Variants in NWD2 observed in about 807,000 individuals in gnomAD.
The protein encoded by NWD2 is NACHT and WD repeat domain containing 2.
NWD2 carries 37 observed loss-of-function variants against 132.7 expected under a neutral mutation model. The observed-to-expected ratio is 0.28, with a 90% CI of 0.21 to 0.37. The LOEUF (loss-of-function observed/expected upper bound fraction) is 0.37, where lower values mean the gene tolerates loss of function less well. Among genes scored for constraint, NWD2 ranks in the 10% least tolerant of loss-of-function variants. The probability of loss-of-function intolerance (pLI) is 1.00; values close to 1 mark genes in which losing one functional copy is unlikely to be tolerated. For missense variants in NWD2, 1,592 were observed against 2,122.4 expected, an observed-to-expected ratio of 0.75 and a Z score of 4.91; for synonymous variants, 705 against 803.0, an observed-to-expected ratio of 0.88 and a Z score of 2.06.
chr4:37,276,446 G>A (rs1387597657), intron 1 of NWD2, among the ~76,000 whole-genome samples: 1 of 152,088 alleles, frequency 6.6e-6, no homozygotes, highest in East Asian at 1.9e-4. Flanking sequence ...GAAACAACAG[G>A]TGCTGGAGAG....
chr4:37,307,361 G>A (rs1422986998), intron 1 of NWD2, among the ~76,000 whole-genome samples: 1 of 151,896 alleles, frequency 6.6e-6, no homozygotes, highest in Non-Finnish European at 1.5e-5. Flanking sequence ...GAGAGACATT[G>A]TTTCTCCTTG....
At chr4:37,350,166 G>T (rs1034327838) in intron 2 of NWD2, among the ~76,000 whole-genome samples, 12 of 151,990 alleles carry the variant, frequency 7.9e-5, no homozygotes, top group Non-Finnish European at 1.3e-4. Context: ...CTTTATATGG[G>T]CTCTTCTTTT....
intron 1 of NWD2, among the ~76,000 whole-genome samples, chr4:37,284,458 A>T (rs1209474359): frequency 6.6e-6 from 1 of 152,166 alleles, no homozygotes; most frequent in Non-Finnish European, 1.5e-5. Flanking sequence ...AGAATATTCG[A>T]TGAGCCCCAG....
chr4:37,252,103 G>A (rs954584129), intron 1 of NWD2, among the ~76,000 whole-genome samples: 3 of 152,202 alleles, frequency 2.0e-5, no homozygotes, highest in Non-Finnish European at 4.4e-5. Flanking sequence ...AATGAATAGA[G>A]CCAGGGTATG....
rs1311235922 is a variant in NWD2 at position 37,245,172 on chromosome 4, G to T, written c.105G>T (p.Val35=). ...TCACGGCCCTGCCCTCTCACCTCGT[G>T]CCCGCCGGCCGCAGCGTCCGGGTCT... The part of the protein sequence containing the change: ...GNLTALPSHL[V]PAGRSVRVFI... The change falls in exon 1 of 7, where the codon GTG becomes GTT. Residue 35 remains valine (V), a synonymous_variant. Coordinates refer to ENST00000309447, the MANE Select transcript of NWD2 (RefSeq NM_001144990.2). The T allele has an allele frequency of 2.8e-5, 43 of 1,544,782 alleles. No homozygotes were observed. Among genetic ancestry groups the T allele is most frequent in the Non-Finnish European group, 3.4e-5 (39 of 1,146,190 alleles).
intron 1 of NWD2, among the ~76,000 whole-genome samples, chr4:37,304,503 C>T (rs192673930): frequency 8.5e-5 from 13 of 152,308 alleles, no homozygotes; most frequent in Admixed American, 8.5e-4. Context: ...CAAGTCTCTT[C>T]CACCTATAAG....
At chr4:37,348,497 G>A (rs1299748832) in intron 2 of NWD2, among the ~76,000 whole-genome samples, 2 of 150,674 alleles carry the variant, frequency 1.3e-5, no homozygotes, top group African/African-American at 2.4e-5. Context: ...CCACACCCAT[G>A]GGTAAAGCCC....
At chr4:37,256,442 T>TGGGGTGTTCAAGGAAGAGCAAGGTCATTG in intron 1 of NWD2, among the ~76,000 whole-genome samples, 1 of 152,182 alleles carries the variant, frequency 6.6e-6, no homozygotes, top group African/African-American at 2.4e-5. Flanking sequence ...AAAAATCTAC[T>TGGGGTGTTCAAGGAAGAGCAAGGTCATTG]TACATGAGGT....
At chr4:37,410,304 G>A (rs1721130095) in intron 3 of NWD2, among the ~76,000 whole-genome samples, 1 of 152,046 alleles carries the variant, frequency 6.6e-6, no homozygotes. Context: ...AAGGGATGGA[G>A]GAATATTTAC....
At chr4:37,306,560 C>T (rs1399762732) in intron 1 of NWD2, among the ~76,000 whole-genome samples, 1 of 151,902 alleles carries the variant, frequency 6.6e-6, no homozygotes, top group Non-Finnish European at 1.5e-5. Context: ...CTTCCTTTAC[C>T]CATTCAGGAG....
At chr4:37,256,090 G>A (rs1445598053) in intron 1 of NWD2, among the ~76,000 whole-genome samples, 4 of 152,182 alleles carry the variant, frequency 2.6e-5, no homozygotes, top group Non-Finnish European at 5.9e-5. Context: ...AGTGCTTTTG[G>A]AATACATTAG....
At chr4:37,298,516 A>C (rs1718545186) in intron 1 of NWD2, among the ~76,000 whole-genome samples, 1 of 152,104 alleles carries the variant, frequency 6.6e-6, no homozygotes, top group Admixed American at 6.6e-5. Context: ...TTCCTTTGTA[A>C]TTAATGTAGG....
chr4:37,325,901 TACTC>T, intron 1 of NWD2, 31 bp from the exon 2 acceptor site: 4 of 1,276,136 alleles, frequency 3.1e-6, no homozygotes, highest in Non-Finnish European at 4.4e-6. Context: ...TGTGTGGACA[TACTC>T]ACTTCCTGTG....
At chr4:37,426,363 G>A (rs887594506) in intron 3 of NWD2, among the ~76,000 whole-genome samples, 1 of 152,116 alleles carries the variant, frequency 6.6e-6, no homozygotes, top group African/African-American at 2.4e-5. Context: ...TAAGCCTGTA[G>A]CATATTATTA....
chr4:37,404,794 C>G (rs1720962399), intron 3 of NWD2, among the ~76,000 whole-genome samples: 1 of 152,196 alleles, frequency 6.6e-6, no homozygotes, highest in Non-Finnish European at 1.5e-5. Flanking sequence ...AAAGGAGGAG[C>G]AAGACGTCTT....
intron 1 of NWD2, among the ~76,000 whole-genome samples, chr4:37,313,369 G>T (rs1718890378): frequency 6.6e-6 from 1 of 150,408 alleles, no homozygotes; most frequent in Non-Finnish European, 1.5e-5. Context: ...GGGTGTATGT[G>T]TTGAGGAATT....
At chr4:37,430,060 T>C (rs1712128243) in intron 3 of NWD2, among the ~76,000 whole-genome samples, 1 of 141,482 alleles carries the variant, frequency 7.1e-6, no homozygotes, top group Non-Finnish European at 1.6e-5. Context: ...TTGTTTAATT[T>C]TGAATTTTTT....
intron 3 of NWD2, among the ~76,000 whole-genome samples, chr4:37,391,797 C>T (rs1720683731): frequency 6.6e-6 from 1 of 152,216 alleles, no homozygotes; most frequent in Admixed American, 6.5e-5. Flanking sequence ...CCTGTGCCCT[C>T]CTGCCCCGCT....
At position 37,447,973 on chromosome 4, in the gene NWD2, T is replaced by A. The variant is rs1560258972; in HGVS notation, c.*756T>A. The A allele has an allele frequency of 6.6e-6, 1 of 152,226 alleles. No individual in the cohort carries two copies. Among genetic ancestry groups the A allele is most frequent in the Non-Finnish European group, 1.5e-5 (1 of 68,036 alleles). The allele number at this position is 152,226 out of a possible 1,614,324, so 9.4% of individuals were successfully genotyped here. A position where few individuals can be genotyped will look rare whatever the true frequency, so the allele number is the denominator to read the frequency against. On this transcript the variant is annotated 3_prime_UTR_variant, in exon 7 of 7. Coordinates refer to ENST00000309447, the MANE Select transcript of NWD2 (RefSeq NM_001144990.2). The stretch of plus-strand genomic sequence containing the variant: ...CATTTAGTAAGAAACAACAATCTTT[T>A]CGCATCTTTTTGAAATGCATATTTG...
Sources: gnomAD v4.1 joint callset for allele counts (sites outside exome capture counted in the v4.1 genomes callset) on GRCh38, gnomAD v4.1.1 for gene constraint, MANE v1.5 for transcripts, NCBI Gene and HGNC (gene_info 2026-07-23, HGNC 2026-07-21) for gene names.